The following ANKRD30A variants were observed in gnomAD, a reference collection of about 807,000 sequenced individuals.
The protein encoded by ANKRD30A is ankyrin repeat domain-containing protein 30A.
In ANKRD30A, 170 loss-of-function variants were observed where a neutral mutation model predicts 166.3. That is an observed-to-expected ratio of 1.02 (90% CI 0.90 to 1.16). The LOEUF is 1.16. ANKRD30A is among the 50% of genes most tolerant of loss of function. The pLI is 0.00. For missense variants in ANKRD30A, 1,630 were observed against 1,518.0 expected, an observed-to-expected ratio of 1.07 and a Z score of -1.23; for synonymous variants, 564 against 508.9, an observed-to-expected ratio of 1.11 and a Z score of -1.46.
chr10:37,179,465 A>G (rs1286470312), intron 24 of ANKRD30A, among the ~76,000 whole-genome samples: 6 of 151,094 alleles, frequency 4.0e-5, no homozygotes, highest in Middle Eastern at 3.2e-3. Context: ...TAGAAATTAC[A>G]AAAATGTTGG....
chr10:37,196,868 C>T (rs1487295897), intron 27 of ANKRD30A, among the ~76,000 whole-genome samples: 1 of 152,190 alleles, frequency 6.6e-6, no homozygotes, highest in Non-Finnish European at 1.5e-5. Flanking sequence ...GTCAGTTGTA[C>T]ATTCAGCTGA....
rs1401851931 is a variant in ANKRD30A, at chr10:37,183,441, C to A, written c.2422-6026C>A. 7.6e-4 allele frequency among the ~76,000 whole-genome samples: 111 copies of A among 146,926 alleles called. 7 individuals are homozygous for A. The highest frequency in any genetic ancestry group is 2.5e-3 in the African/African-American group (100 of 40,486). On this transcript the variant is annotated intron_variant, in intron 24 of 35. Transcript: ENST00000361713. Reference sequence around the variant, plus strand: ...CATAAGGTTTTAAAGTGCCAAATAACAAATGGGCTCTTGTATATGAAATAA... The same window carrying A: ...CATAAGGTTTTAAAGTGCCAAATAAAAAATGGGCTCTTGTATATGAAATAA...
At chr10:37,143,789 G>A (rs1051961395) in intron 7 of ANKRD30A, among the ~76,000 whole-genome samples, 12 of 147,310 alleles carry the variant, frequency 8.1e-5, no homozygotes, top group African/African-American at 2.2e-4. Flanking sequence ...TGTATAAAAA[G>A]CCATTTGGTA....
At chr10:37,150,000 G>T (rs980619517) in intron 11 of ANKRD30A, 151 bp downstream of exon 11, 20 of 1,135,132 alleles carry the variant, frequency 1.8e-5, no homozygotes, top group South Asian at 1.3e-4. Context: ...TTGAAAACCT[G>T]ATATTACAAG....
intron 6 of ANKRD30A, among the ~76,000 whole-genome samples, chr10:37,138,638 T>A (rs1252534546): frequency 6.6e-6 from 1 of 152,008 alleles, no homozygotes; most frequent in Non-Finnish European, 1.5e-5. Flanking sequence ...TGATTGAAGA[T>A]CAAATGAATG....
chr10:37,245,582 T>G, the ANKRD30A span, among the ~76,000 whole-genome samples: 1 of 152,082 alleles, frequency 6.6e-6, no homozygotes, highest in South Asian at 2.1e-4. Context: ...TGTATGAGTT[T>G]TGCAGGACTG....
At chr10:37,160,437 T>G (rs1397270845) in intron 15 of ANKRD30A, among the ~76,000 whole-genome samples, 3 of 152,146 alleles carry the variant, frequency 2.0e-5, no homozygotes, top group East Asian at 3.9e-4. Context: ...AAAAACATTA[T>G]GTGAACTATT....
At position 37,142,149 on chromosome 10, in the gene ANKRD30A, G is replaced by A. The variant is rs372362957; in HGVS notation, c.1252G>A (p.Ala418Thr). ...WAAKGRPRKI[A>T]WEKKETPVKT... The stretch of plus-strand genomic sequence containing the variant: ...AGCAAAAGGAAGACCTAGGAAGATC[G>A]CATGGGAGAAAAAAGAAACACCTGT... Residue 418 changes from alanine (A) to threonine (T), a missense_variant, in exon 7 of 36, where the codon GCA (alanine) becomes ACA (threonine). Transcript: ENST00000361713. 6.1e-5 allele frequency: 99 copies of A among 1,613,962 alleles called. No individual in the cohort carries two copies. Among genetic ancestry groups the A allele is most frequent in the Non-Finnish European group, 7.6e-5 (90 of 1,180,028 alleles).
chr10:37,254,061 A>G, the ANKRD30A span, among the ~76,000 whole-genome samples: 3 of 152,238 alleles, frequency 2.0e-5, no homozygotes, highest in East Asian at 5.8e-4. Flanking sequence ...TTGCTTGCCA[A>G]TTCACTGTTG....
chr10:37,164,262 A>G (rs1197159882), intron 17 of ANKRD30A, among the ~76,000 whole-genome samples: 1 of 145,652 alleles, frequency 6.9e-6, no homozygotes, highest in African/African-American at 2.6e-5. Context: ...CTTTGTGCTG[A>G]TAAAGAAAAC....
chr10:37,129,982 G>C lies in ANKRD30A; in HGVS notation c.311G>C (p.Gly104Ala). ...AAGTGCCAGCTTGACGTCCTTGATG[G>C]CGAACACAGGACACCTCTGATGAAG... The part of the protein sequence containing the change: ...DRKCQLDVLD[G>A]EHRTPLMKAL... Residue 104 changes from glycine to alanine, a missense_variant, in exon 2 of 36, where the codon GGC (glycine) becomes GCC (alanine). Gly to Ala is a moderately conservative substitution (Grantham distance 60). This residue lies in a region of ANKRD30A where 904 missense variants were observed against 818.5 expected (regional missense o/e 1.10). Transcript: ENST00000361713. 6.4e-7 allele frequency: 1 copy of C among 1,574,110 alleles called. No individual in the cohort carries two copies. Among genetic ancestry groups the C allele is most frequent in the Admixed American group, 1.7e-5 (1 of 57,268 alleles).
In ANKRD30A at chr10:37,196,629, G is replaced by T. The variant is rs193133633; in HGVS notation, c.2615-652G>T. ...TCATCTATTGCAATAAATTTTTATA[G>T]AAATATGTCAATATTGAAAGCTTAG... is the stretch of plus-strand genomic sequence containing the variant. On this transcript the variant is annotated intron_variant, in intron 27 of 35. Transcript: ENST00000361713. Among the ~76,000 whole-genome samples the T allele has an allele frequency of 4.7e-4, 71 of 152,214 alleles. 1 individual carries two copies. Among genetic ancestry groups the T allele is most frequent in the South Asian group, 1.5e-3 (7 of 4,826 alleles).
intron 31 of ANKRD30A, among the ~76,000 whole-genome samples, chr10:37,211,530 T>A (rs974822348): frequency 6.6e-6 from 1 of 152,230 alleles, no homozygotes; most frequent in East Asian, 1.9e-4. Flanking sequence ...ATCCAGTCTA[T>A]CATTGTTGGA....
In ANKRD30A at chr10:37,125,838, C is replaced by A. The variant is rs1427544692; in HGVS notation, c.51C>A (p.Arg17=). 4.6e-6 allele frequency: 5 copies of A among 1,089,200 alleles called. No individual in the cohort carries two copies. Among genetic ancestry groups the A allele is most frequent in the Non-Finnish European group, 6.8e-6 (5 of 736,212 alleles). 67.5% of individuals were successfully genotyped at this position (1,089,200 alleles called of 1,614,324 possible). A position where few individuals can be genotyped will look rare whatever the true frequency, so the allele number is the denominator to read the frequency against. The change falls in exon 1 of 36, where the codon CGC becomes CGA. Residue 17 remains arginine, a synonymous_variant. Transcript: ENST00000361713. ...AAVKVVPGPE[R]PSPFSQLVYT... is the part of the protein sequence containing the mutation. ...TCAAGGTCGTGCCGGGCCCGGAGCG[C>A]CCGAGCCCTTTCAGCCAGCTAGTCT...
intron 4 of ANKRD30A, 141 bp from the exon 5 acceptor site, chr10:37,133,772 TTGG>T (rs1258683904): frequency 1.0e-6 from 1 of 967,358 alleles, no homozygotes; most frequent in African/African-American, 1.7e-5. Flanking sequence ...CCTTTTAGCC[TTGG>T]TGGTGATTTA....
intron 31 of ANKRD30A, among the ~76,000 whole-genome samples, chr10:37,203,971 G>A (rs947719107): frequency 6.6e-5 from 10 of 152,134 alleles, no homozygotes; most frequent in African/African-American, 2.2e-4. Context: ...ATACACCACT[G>A]CTTAACGAAA....
chr10:37,190,158 ACT>A (rs1300051430), intron 25 of ANKRD30A, among the ~76,000 whole-genome samples: 1 of 151,852 alleles, frequency 6.6e-6, no homozygotes, highest in Non-Finnish European at 1.5e-5. Flanking sequence ...TGTCATATAC[ACT>A]CTGTATAGAC....
At chr10:37,156,135 G>A (rs1388509821) in intron 13 of ANKRD30A, among the ~76,000 whole-genome samples, 3 of 151,282 alleles carry the variant, frequency 2.0e-5, no homozygotes, top group Non-Finnish European at 2.9e-5. Flanking sequence ...TTAATTAGAC[G>A]CTATTCATGG....
At chr10:37,217,276 C>G (rs1842650667) in intron 32 of ANKRD30A, among the ~76,000 whole-genome samples, 1 of 150,868 alleles carries the variant, frequency 6.6e-6, no homozygotes, top group African/African-American at 2.4e-5. Flanking sequence ...TTATGTCTAA[C>G]AGATCTGTAA....
Sources: allele counts gnomAD v4.1 joint callset (sites outside exome capture counted in the v4.1 genomes callset), GRCh38; gene constraint gnomAD v4.1.1; regional missense constraint gnomAD v4.1.1; transcripts MANE v1.5; gene names NCBI Gene and HGNC (gene_info 2026-07-23, HGNC 2026-07-21).